VPS13D: variants seen among roughly 807,000 people sequenced by gnomAD.
VPS13D encodes the protein vacuolar protein sorting 13 homolog D.
VPS13D carries 187 observed loss-of-function variants against 461.9 expected under a neutral mutation model. That is an observed-to-expected ratio of 0.40 (90% confidence interval 0.36 to 0.46). VPS13D has a LOEUF of 0.46. Ranked by LOEUF, VPS13D falls within the 20% of genes least tolerant of loss-of-function variation. The pLI is 0.60. For synonymous variants in VPS13D, 1,951 were observed against 1,986.3 expected (o/e 0.98, Z 0.47); for missense variants, 4,711 against 5,364.9 (o/e 0.88, Z 3.81).
intron 40 of VPS13D, among the ~76,000 whole-genome samples, chr1:12,340,641 T>G (rs1273425094): frequency 6.6e-6 from 1 of 152,264 alleles, no homozygotes; most frequent in African/African-American, 2.4e-5. Context: ...CTTAGTGTTC[T>G]CTGCAGTTAG....
At chr1:12,284,808 G>A (rs750154525) in intron 21 of VPS13D, among the ~76,000 whole-genome samples, 1 of 152,220 alleles carries the variant, frequency 6.6e-6, no homozygotes, top group Non-Finnish European at 1.5e-5. Flanking sequence ...ACATCTCAGG[G>A]TAGAGATGGG....
intron 2 of VPS13D, 69 bp downstream of exon 2, chr1:12,234,432 C>A: frequency 7.5e-7 from 1 of 1,327,254 alleles, no homozygotes; most frequent in Non-Finnish European, 1.1e-6. Flanking sequence ...TTTTTGTTGT[C>A]CTGAGAATCA....
At position 12,276,248 on chromosome 1, in the gene VPS13D, A is replaced by G; in HGVS notation, c.2660A>G (p.Asn887Ser). ...GNLPDLKIHI[N>S]EDKISALKNC... ...TTACCAGACTTAAAAATCCACATTA[A>G]TGAAGATAAAATATCTGCACTAAAG... The change falls in exon 19 of 70, where the codon AAT becomes AGT. Residue 887 changes from asparagine (N) to serine (S), a missense_variant. By Grantham distance (46) the Asn-to-Ser change is conservative. Transcript: ENST00000620676. This position sits in a 1 kb window ranked among gnomAD's most constrained non-coding sequence, Gnocchi z 4.5. 1 of 1,614,074 alleles carries G rather than the reference A, an allele frequency of 6.2e-7. No homozygotes were observed. Among genetic ancestry groups the G allele is most frequent in the Non-Finnish European group, 8.5e-7 (1 of 1,180,020 alleles).
In VPS13D at chr1:12,261,064, G is replaced by T; in HGVS notation, c.1329G>T (p.Trp443Cys). The change falls in exon 12 of 70, where the codon TGG (tryptophan) becomes TGT (cysteine). Residue 443 changes from tryptophan to cysteine, a missense_variant. Physicochemically the swap from Trp to Cys is radical, Grantham distance 215 (BLOSUM62 -2). Transcript: ENST00000620676. ...LQSWFPGWGG[W>C]YGQQTPEGNV... ...CCTGGTTTCCTGGATGGGGTGGCTG[G>T]TACGGGCAGCAGACCCCAGAAGGGA... 6.2e-7 allele frequency: 1 copy of T among 1,614,138 alleles called. No homozygotes were observed. Among genetic ancestry groups the T allele is most frequent in the Non-Finnish European group, 8.5e-7 (1 of 1,180,020 alleles).
At chr1:12,400,411 C>T in intron 61 of VPS13D, 81 bp downstream of exon 61, 1 of 1,537,966 alleles carries the variant, frequency 6.5e-7, no homozygotes, top group Non-Finnish European at 8.8e-7. Context: ...CTCAGAGCAG[C>T]AGTGCCGGGT....
At chr1:12,297,508 C>A (rs1642309279) in intron 24 of VPS13D, among the ~76,000 whole-genome samples, 1 of 152,132 alleles carries the variant, frequency 6.6e-6, no homozygotes, top group Admixed American at 6.5e-5. Context: ...GCTATGTGAC[C>A]ATCAGGGAGT....
chr1:12,382,348 C>T (rs1441703385), intron 57 of VPS13D, among the ~76,000 whole-genome samples: 1 of 152,080 alleles, frequency 6.6e-6, no homozygotes, highest in Non-Finnish European at 1.5e-5. Flanking sequence ...ATGATTCGCC[C>T]GCCTTGGCCT....
intron 67 of VPS13D, among the ~76,000 whole-genome samples, chr1:12,480,961 T>A (rs1460115136): frequency 6.6e-6 from 1 of 152,206 alleles, no homozygotes; most frequent in Non-Finnish European, 1.5e-5. Context: ...AACTTCAAGT[T>A]TGCCCTAGGC....
At chr1:12,443,849 C>CTT (rs796680444) in intron 65 of VPS13D, among the ~76,000 whole-genome samples, 4 of 143,336 alleles carry the variant, frequency 2.8e-5, no homozygotes, top group South Asian at 2.2e-4. Context: ...TTTTGTTTTT[C>CTT]TTTTTTTTTT....
chr1:12,313,880 C>A (rs1002834369), intron 29 of VPS13D, among the ~76,000 whole-genome samples: 1 of 152,152 alleles, frequency 6.6e-6, no homozygotes, highest in Non-Finnish European at 1.5e-5. Flanking sequence ...CATGCCGTTC[C>A]TATGAACAAG....
chr1:12,267,284 A>T (rs1239407910), intron 14 of VPS13D, among the ~76,000 whole-genome samples: 1 of 152,134 alleles, frequency 6.6e-6, no homozygotes, highest in Non-Finnish European at 1.5e-5. Flanking sequence ...TTCAAGGTCA[A>T]TGTTTGGGTT....
chr1:12,480,722 C>T (rs929664580), intron 67 of VPS13D, among the ~76,000 whole-genome samples: 3 of 152,130 alleles, frequency 2.0e-5, no homozygotes, highest in African/African-American at 4.8e-5. Context: ...CTAAAAATGC[C>T]ATGAGGTAGC....
chr1:12,406,722 G>A lies in VPS13D; in HGVS notation c.12030+2749G>A, dbSNP rs556471261. Among the ~76,000 whole-genome samples the A allele has an allele frequency of 3.9e-5, 6 of 152,240 alleles. No homozygotes were observed. The East Asian group carries it at 1.2e-3, about 29-fold the overall frequency. On this transcript the variant is annotated intron_variant, in intron 63 of 69. Coordinates refer to ENST00000620676, the MANE Select transcript of VPS13D (RefSeq NM_015378.4). The stretch of plus-strand genomic sequence containing the variant: ...ATTCTCTCCATTCTCTCAAGTTTGC[G>A]TGTTAGAAAGTGGCCGAGTGATACT...
At chr1:12,467,317 G>A (rs982118662) in intron 67 of VPS13D, among the ~76,000 whole-genome samples, 3 of 152,138 alleles carry the variant, frequency 2.0e-5, no homozygotes, top group Admixed American at 6.5e-5. Context: ...GATGGCAGGC[G>A]CACGCCACCT....
chr1:12,321,911 A>G lies in VPS13D; in HGVS notation c.7651A>G (p.Ser2551Gly). The part of the protein sequence containing the change: ...ELVGNSSYQN[S>G]SGLMDAFNSE... ...GGTGGGGAATTCTTCTTATCAAAAT[A>G]GTTCAGGATTGATGGATGCATTCAA... is the stretch of plus-strand genomic sequence containing the variant. The change falls in exon 33 of 70, where the codon AGT (serine) becomes GGT (glycine). Residue 2551 changes from serine to glycine, a missense_variant. Around this residue, in one of 3 missense-constraint regions of VPS13D, gnomAD observed 4,411 missense variants for 4,937.8 expected, o/e 0.89. Transcript: ENST00000620676. The G allele has an allele frequency of 1.2e-6, 2 of 1,613,666 alleles. No individual in the cohort carries two copies. Among genetic ancestry groups the G allele is most frequent in the Non-Finnish European group, 1.7e-6 (2 of 1,179,890 alleles).
intron 67 of VPS13D, among the ~76,000 whole-genome samples, chr1:12,462,155 A>G (rs939006817): frequency 1.3e-5 from 2 of 152,208 alleles, no homozygotes; most frequent in Non-Finnish European, 2.9e-5. Flanking sequence ...AGCAAACATA[A>G]AAAATTATAT....
intron 63 of VPS13D, among the ~76,000 whole-genome samples, chr1:12,414,111 C>A (rs1054167334): frequency 6.6e-6 from 1 of 152,084 alleles, no homozygotes; most frequent in Admixed American, 6.5e-5. Context: ...TGGTGAAAAC[C>A]CTTCTCTACA....
intron 67 of VPS13D, among the ~76,000 whole-genome samples, chr1:12,468,370 T>TA (rs1289540614): frequency 6.6e-6 from 1 of 152,242 alleles, no homozygotes; most frequent in Admixed American, 6.5e-5. Flanking sequence ...GTTTTTCCCT[T>TA]ACAGAATCAT....
chr1:12,428,178 GTC>G (rs1285861765), intron 65 of VPS13D, among the ~76,000 whole-genome samples: 1 of 152,204 alleles, frequency 6.6e-6, no homozygotes, highest in African/African-American at 2.4e-5. Context: ...GCGGGTGAGA[GTC>G]TGGCTTTTCC....
Sources: gnomAD v4.1 joint callset for allele counts (sites outside exome capture counted in the v4.1 genomes callset) on GRCh38, gnomAD v4.1.1 for gene constraint, gnomAD v4.1.1 regional missense constraint, Gnocchi (gnomAD v3.1) non-coding constraint, MANE v1.5 for transcripts, NCBI Gene and HGNC (gene_info 2026-07-23, HGNC 2026-07-21) for gene names.